The following DENND2B variants were observed in gnomAD, a reference collection of about 807,000 sequenced individuals.
DENND2B encodes the protein DENN domain-containing protein 2B.
Under a neutral mutation model 116.0 loss-of-function variants are expected in DENND2B, and 32 were observed. The observed-to-expected ratio is 0.28, with a 90% CI of 0.21 to 0.37. The LOEUF is 0.37. DENND2B is among the 10% of genes least tolerant of loss of function. The pLI, the probability that DENND2B is intolerant of heterozygous loss-of-function variation, is 1.00. For missense variants in DENND2B, 1,276 were observed against 1,477.7 expected (o/e 0.86, Z 2.24); for synonymous variants, 588 against 583.9 (o/e 1.01, Z -0.10).
chr11:8,717,489 C>T (rs2045113025), intron 5 of DENND2B, among the ~76,000 whole-genome samples: 2 of 152,180 alleles, frequency 1.3e-5, no homozygotes, highest in South Asian at 2.1e-4. Context: ...GACAGGATGC[C>T]CCTCAGAGCA....
chr11:8,700,547 C>T (rs960563976), intron 14 of DENND2B, among the ~76,000 whole-genome samples: 3 of 152,094 alleles, frequency 2.0e-5, no homozygotes, highest in Admixed American at 6.6e-5. Context: ...CTCATACATA[C>T]GGAAGGAAAT....
chr11:8,806,770 A>G (rs1022854810), intron 1 of DENND2B, among the ~76,000 whole-genome samples: 7 of 152,014 alleles, frequency 4.6e-5, no homozygotes, highest in African/African-American at 1.7e-4. Flanking sequence ...ACTGAGACAG[A>G]CACACATAGC....
intron 1 of DENND2B, among the ~76,000 whole-genome samples, chr11:8,771,112 C>T (rs559379480): frequency 3.9e-5 from 6 of 152,142 alleles, no homozygotes; most frequent in Non-Finnish European, 8.8e-5. Flanking sequence ...AGAGGCTTTT[C>T]CTCGAAAACA....
At position 8,707,008 on chromosome 11, in the gene DENND2B, G is replaced by A; in HGVS notation, c.2571+77C>T. The stretch of plus-strand genomic sequence containing the variant: ...GGGACCGTGCTCTGCAACCCCCAAA[G>A]ACTACGACCTTGGCCAGCATGGTCC... On this transcript the variant is annotated intron_variant, in intron 13 of 19. Coordinates refer to ENST00000313726, the MANE Select transcript of DENND2B (RefSeq NM_213618.2). The surrounding 1 kb of genome is among the most constrained non-coding windows in gnomAD (Gnocchi z 4.8). The A allele has an allele frequency of 1.3e-6, 2 of 1,545,740 alleles. No homozygotes were observed. The highest frequency in any genetic ancestry group is 2.5e-5 in the South Asian group (2 of 79,090).
At chr11:8,806,369 C>T (rs1230851772) in intron 1 of DENND2B, among the ~76,000 whole-genome samples, 1 of 152,114 alleles carries the variant, frequency 6.6e-6, no homozygotes, top group East Asian at 1.9e-4. Context: ...AGGAATAGGT[C>T]TGCTTTGGTT....
At chr11:8,791,641 C>G (rs1455037984) in intron 1 of DENND2B, among the ~76,000 whole-genome samples, 2 of 151,934 alleles carry the variant, frequency 1.3e-5, no homozygotes, top group African/African-American at 4.8e-5. Flanking sequence ...GTGGCATGTG[C>G]CTGTAGTCCC....
At chr11:8,741,610 T>A (rs536207972) in intron 2 of DENND2B, among the ~76,000 whole-genome samples, 1 of 152,252 alleles carries the variant, frequency 6.6e-6, no homozygotes, top group South Asian at 2.1e-4. Flanking sequence ...TAACCCCTCC[T>A]CTTAAATCTG....
intron 14 of DENND2B, among the ~76,000 whole-genome samples, 186 bp from the exon 15 acceptor site, chr11:8,699,576 G>A (rs74716282): frequency 0.02 from 3,122 of 152,300 alleles, 95 homozygotes; most frequent in African/African-American, 0.07. Flanking sequence ...GGACAACAAT[G>A]CTACTCTCTT....
At chr11:8,806,523 CA>C (rs1044074552) in intron 1 of DENND2B, among the ~76,000 whole-genome samples, 7 of 149,488 alleles carry the variant, frequency 4.7e-5, no homozygotes, top group Admixed American at 6.7e-5. Flanking sequence ...ACATCAGAGC[CA>C]AAAAAATAAG....
chr11:8,781,651 C>G (rs989140731), intron 1 of DENND2B, among the ~76,000 whole-genome samples: 1 of 151,494 alleles, frequency 6.6e-6, no homozygotes, highest in Non-Finnish European at 1.5e-5. Flanking sequence ...CATAACCTCA[C>G]AAGGATAACC....
chr11:8,768,521 G>GT (rs1247072251), intron 1 of DENND2B, among the ~76,000 whole-genome samples: 1 of 152,122 alleles, frequency 6.6e-6, no homozygotes, highest in African/African-American at 2.4e-5. Context: ...GGCATTACAG[G>GT]TATGAGCAAC....
chr11:8,762,718 G>A (rs1483584914), intron 1 of DENND2B, among the ~76,000 whole-genome samples: 1 of 152,100 alleles, frequency 6.6e-6, no homozygotes, highest in Non-Finnish European at 1.5e-5. Context: ...AAATTAGCCA[G>A]GCGTGGTGGC....
chr11:8,815,501 G>T (rs894476900), upstream of DENND2B, among the ~76,000 whole-genome samples: 1 of 152,042 alleles, frequency 6.6e-6, no homozygotes, highest in Non-Finnish European at 1.5e-5. Flanking sequence ...TGCACTGCCT[G>T]GTTCTTTGAA....
chr11:8,700,168 G>T (rs1207228870), intron 14 of DENND2B, among the ~76,000 whole-genome samples: 1 of 151,224 alleles, frequency 6.6e-6, no homozygotes, highest in Non-Finnish European at 1.5e-5. Flanking sequence ...GGCCACTAAG[G>T]TCAGGCCAGG....
At chr11:8,772,973 C>T (rs890587991) in intron 1 of DENND2B, among the ~76,000 whole-genome samples, 12 of 152,200 alleles carry the variant, frequency 7.9e-5, no homozygotes, top group African/African-American at 2.9e-4. Context: ...GTTTATCCCT[C>T]TTCTCATTTC....
intron 3 of DENND2B, among the ~76,000 whole-genome samples, chr11:8,853,854 AT>A (rs944351158): frequency 3.8e-4 from 56 of 146,070 alleles, no homozygotes; most frequent in Admixed American, 5.5e-4. Flanking sequence ...TATATTTTTA[AT>A]TTTTTTTTTT....
chr11:8,844,217 T>C (rs1329359723), intron 3 of DENND2B, among the ~76,000 whole-genome samples: 3 of 148,190 alleles, frequency 2.0e-5, no homozygotes, highest in Admixed American at 1.4e-4. Context: ...CTAGGCAACA[T>C]AGTGAAACCT....
intron 4 of DENND2B, among the ~76,000 whole-genome samples, chr11:8,721,148 C>T (rs890950470): frequency 5.3e-5 from 8 of 152,066 alleles, no homozygotes; most frequent in Non-Finnish European, 1.2e-4. Flanking sequence ...AAGGCATCAC[C>T]GAGAATTTCT....
chr11:8,831,544 C>T (rs1369647886), intron 4 of DENND2B: 2 of 152,234 alleles, frequency 1.3e-5, no homozygotes, highest in Non-Finnish European at 2.9e-5. Context: ...AGACACAGGG[C>T]AATAAGCCTA....
Sources: allele counts gnomAD v4.1 joint callset (sites outside exome capture counted in the v4.1 genomes callset), GRCh38; gene constraint gnomAD v4.1.1; non-coding constraint Gnocchi (gnomAD v3.1); transcripts MANE v1.5; gene names NCBI Gene and HGNC (gene_info 2026-07-23, HGNC 2026-07-21).